Variants in DIAPH2 observed in about 807,000 individuals in gnomAD.
DIAPH2 encodes the protein protein diaphanous homolog 2.
In DIAPH2, 35 loss-of-function variants were observed where a neutral mutation model predicts 92.7. The ratio of observed to expected loss-of-function variants is 0.38; its 90% CI spans 0.29 to 0.50. DIAPH2 has a LOEUF of 0.50. Ranked by LOEUF, DIAPH2 falls within the 20% of genes least tolerant of loss-of-function variation. DIAPH2 has a pLI of 0.94. For synonymous variants in DIAPH2, 301 were observed against 280.4 expected (o/e 1.07, Z -0.73); for missense variants, 701 against 819.5 (o/e 0.86, Z 1.77).
At chrX:97,031,799 T>C (rs918936197) in intron 17 of DIAPH2, among the ~76,000 whole-genome samples, 2 of 111,485 alleles carry the variant, frequency 1.8e-5, no homozygotes, top group Non-Finnish European at 3.8e-5. Context: ...CGAACTCCGA[T>C]GAAGGGAAGT....
At chrX:97,305,546 G>A (rs1378227177) in intron 23 of DIAPH2, among the ~76,000 whole-genome samples, 2 of 109,353 alleles carry the variant, frequency 1.8e-5, no homozygotes, top group African/African-American at 3.3e-5. Context: ...TTGGCTAGGC[G>A]CGGTGGCTCA....
At chrX:97,093,598 G>A (rs1260076780) in intron 19 of DIAPH2, among the ~76,000 whole-genome samples, 1 of 111,160 alleles carries the variant, frequency 9.0e-6, no homozygotes, top group Non-Finnish European at 1.9e-5. Flanking sequence ...TGTTTAATAT[G>A]GTTTATAATT....
intron 25 of DIAPH2, among the ~76,000 whole-genome samples, chrX:97,417,375 TACACACACAC>T (rs750360804): frequency 2.1e-4 from 22 of 103,814 alleles, no homozygotes; most frequent in African/African-American, 7.2e-4. Flanking sequence ...TGGTCACACA[TACACACACAC>T]ACACACACAC....
At chrX:96,939,215 A>G (rs1271719081) in intron 11 of DIAPH2, 51 bp from the exon 12 acceptor site, 2 of 555,170 alleles carry the variant, frequency 3.6e-6, no homozygotes, top group Non-Finnish European at 6.0e-6. Context: ...CTCCTTTGTT[A>G]TGAATGAGAC....
intron 24 of DIAPH2, among the ~76,000 whole-genome samples, chrX:97,363,665 CAAAAAAAA>C (rs35245894): frequency 2.8e-4 from 5 of 17,805 alleles, no homozygotes; most frequent in Non-Finnish European, 4.8e-4. Flanking sequence ...GACTCTGCCT[CAAAAAAAA>C]AAAAAAAAAA....
chrX:97,301,979 C>T (rs1196509379), intron 23 of DIAPH2, among the ~76,000 whole-genome samples: 4 of 110,269 alleles, frequency 3.6e-5, no homozygotes, highest in African/African-American at 1.3e-4. Flanking sequence ...CTTTGGGAGG[C>T]CGAGGCGGGC....
At chrX:97,457,657 G>A (rs2070419726) in intron 26 of DIAPH2, among the ~76,000 whole-genome samples, 1 of 111,381 alleles carries the variant, frequency 9.0e-6, no homozygotes, top group South Asian at 3.8e-4. Flanking sequence ...CACTATACGG[G>A]CCTCTCTATA....
chrX:97,258,870 C>CAAAAAA (rs141981932), intron 23 of DIAPH2, among the ~76,000 whole-genome samples: 11 of 39,023 alleles, frequency 2.8e-4, no homozygotes, highest in Admixed American at 3.6e-4. Flanking sequence ...GACTCCGTCT[C>CAAAAAA]AAAAAAAAAA....
intron 17 of DIAPH2, among the ~76,000 whole-genome samples, chrX:97,027,244 T>A (rs1240803662): frequency 8.9e-6 from 1 of 112,407 alleles, no homozygotes; most frequent in Non-Finnish European, 1.9e-5. Context: ...ATCAATCATA[T>A]CACTTCATAT....
chrX:97,173,247 G>C (rs2067467127), intron 22 of DIAPH2, among the ~76,000 whole-genome samples: 1 of 111,230 alleles, frequency 9.0e-6, no homozygotes, highest in African/African-American at 3.3e-5. Flanking sequence ...CAAAAAATTA[G>C]CCAGCTGTGG....
intron 22 of DIAPH2, among the ~76,000 whole-genome samples, chrX:97,244,828 TG>T (rs2068125972): frequency 8.9e-6 from 1 of 112,099 alleles, no homozygotes; most frequent in East Asian, 2.8e-4. Context: ...TGGTGGCTCA[TG>T]CCTGTAATCC....
intron 22 of DIAPH2, among the ~76,000 whole-genome samples, chrX:97,214,657 C>A (rs746773506): frequency 5.6e-5 from 6 of 108,028 alleles, no homozygotes; most frequent in African/African-American, 1.7e-4. Flanking sequence ...CATGGAGAAA[C>A]CCTGTCTCTA....
intron 4 of DIAPH2, among the ~76,000 whole-genome samples, chrX:96,782,277 TTTTGTTTG>T (rs562358550): frequency 8.1e-4 from 89 of 109,851 alleles, no homozygotes; most frequent in South Asian, 2.0e-3. Context: ...TGTTTTGTAT[TTTTGTTTG>T]TTTGTTTGTT....
intron 5 of DIAPH2, among the ~76,000 whole-genome samples, chrX:96,908,841 C>T (rs1201647338): frequency 4.5e-5 from 5 of 111,701 alleles, no homozygotes; most frequent in Admixed American, 9.5e-5. Context: ...CCTCGTGATC[C>T]GCCCGCCTCG....
chrX:97,353,039 A>G (rs1013888146), intron 24 of DIAPH2, among the ~76,000 whole-genome samples: 2 of 109,419 alleles, frequency 1.8e-5, no homozygotes, highest in Admixed American at 2.0e-4. Context: ...AAATTACTTA[A>G]TGGGTATGAT....
chrX:96,911,560 C>T (rs758642863), intron 5 of DIAPH2, among the ~76,000 whole-genome samples: 1 of 110,820 alleles, frequency 9.0e-6, no homozygotes, highest in South Asian at 3.9e-4. Flanking sequence ...CCTCATGACC[C>T]AATTTGCCCT....
intron 26 of DIAPH2, among the ~76,000 whole-genome samples, chrX:97,443,800 C>A (rs1884200452): frequency 8.9e-6 from 1 of 111,923 alleles, no homozygotes; most frequent in Admixed American, 9.5e-5. Flanking sequence ...GACTGCTACC[C>A]CTATGTCATT....
At position 96,684,887 on chromosome X, in the gene DIAPH2, C is replaced by T; in HGVS notation, c.-172C>T. Reference sequence around the variant, plus strand: ...CAACGGCGTGGTTGCGTCGGGGGTGCCTGGGAGCCTGGAGTCCCGGGGGCC... The same window carrying T: ...CAACGGCGTGGTTGCGTCGGGGGTGTCTGGGAGCCTGGAGTCCCGGGGGCC... On this transcript the variant is annotated 5_prime_UTR_variant, in exon 1 of 27. Transcript: ENST00000324765. 1 of 528,676 alleles carries T rather than the reference C, an allele frequency of 1.9e-6. No individual in the cohort carries two copies. The highest frequency in any genetic ancestry group is 2.6e-6 in the Non-Finnish European group (1 of 382,369). 43.6% of individuals were successfully genotyped at this position (528,676 alleles called of 1,213,427 possible). A position where few individuals can be genotyped will look rare whatever the true frequency, so the allele number is the denominator to read the frequency against.
chrX:97,167,829 A>G (rs1010136578), intron 22 of DIAPH2, among the ~76,000 whole-genome samples: 1 of 111,107 alleles, frequency 9.0e-6, no homozygotes, highest in Admixed American at 9.6e-5. Context: ...TTCATGTTAC[A>G]TTTCTGTGAT....
Sources: gnomAD v4.1 joint callset for allele counts (sites outside exome capture counted in the v4.1 genomes callset) on GRCh38, gnomAD v4.1.1 for gene constraint, MANE v1.5 for transcripts, NCBI Gene and HGNC (gene_info 2026-07-23, HGNC 2026-07-21) for gene names.